Variants in TASOR2 observed in about 807,000 individuals in gnomAD.
The protein encoded by TASOR2 is protein TASOR 2.
A neutral mutation model predicts 199.5 loss-of-function variants in TASOR2; 84 were observed. That is an observed-to-expected ratio of 0.42 (90% CI 0.35 to 0.50). The LOEUF (loss-of-function observed/expected upper bound fraction) is 0.50. Among genes scored for constraint, TASOR2 ranks in the 20% least tolerant of loss-of-function variants. The probability of loss-of-function intolerance (pLI) is 0.02; values close to 1 mark genes in which losing one functional copy is unlikely to be tolerated. For missense variants in TASOR2, 2,796 were observed against 2,835.9 expected, an observed-to-expected ratio of 0.99 and a Z score of 0.32; for synonymous variants, 1,103 against 1,046.6, an observed-to-expected ratio of 1.05 and a Z score of -1.04.
At chr10:5,749,059 T>A in exon 15 of TASOR2, 2 of 1,614,110 alleles carry the variant, frequency 1.2e-6, no homozygotes, top group Non-Finnish European at 1.7e-6. Context: ...CCAAGAGGAC[T>A]GGGGCTGCTC....
At chr10:5,755,055 A>C (rs1048756449) in intron 15 of TASOR2, among the ~76,000 whole-genome samples, 10 of 150,204 alleles carry the variant, frequency 6.7e-5, no homozygotes, top group African/African-American at 2.2e-4. Flanking sequence ...TCAAAAAAAA[A>C]AAAAAAAAAA....
Position 5,730,341 on chromosome 10 carries a change from C to CTATTAATT in TASOR2, c.488-145_488-138dup, listed in dbSNP as rs1478565159. 1.7e-6 allele frequency: 1 copy of CTATTAATT among 595,810 alleles called. No individual in the cohort carries two copies. The highest frequency in any genetic ancestry group is 1.9e-5 in the African/African-American group (1 of 53,880). 36.9% of individuals were successfully genotyped at this position (595,810 alleles called of 1,614,324 possible). A position where few individuals can be genotyped will look rare whatever the true frequency, so the allele number is the denominator to read the frequency against. ...TTTGTTAAATGTACCTCTAAGTCTT[C>CTATTAATT]TATTAATTGCCATTTAGGTTGTCAT... On this transcript the variant is annotated intron_variant, in intron 10 of 20. Coordinates refer to ENST00000328090, the Ensembl canonical transcript of TASOR2. This position sits in a 1 kb window ranked among gnomAD's most constrained non-coding sequence, Gnocchi z 4.1.
At chr10:5,759,574 C>T (rs547990982) in intron 18 of TASOR2, among the ~76,000 whole-genome samples, 1 of 152,336 alleles carries the variant, frequency 6.6e-6, no homozygotes, top group Admixed American at 6.5e-5. Flanking sequence ...ATTTCAGGCA[C>T]TGTTAGGTGC....
At chr10:5,714,175 G>C in intron 2 of TASOR2, 1 of 1,231,894 alleles carries the variant, frequency 8.1e-7, no homozygotes, top group East Asian at 3.2e-5. Context: ...GTTGGCAGCA[G>C]TGCTGTTACC....
chr10:5,707,352 A>G (rs898283677), intron 1 of TASOR2, among the ~76,000 whole-genome samples: 1 of 152,170 alleles, frequency 6.6e-6, no homozygotes, highest in African/African-American at 2.4e-5. Context: ...CCCAAAGATG[A>G]GGCAGCCCCC....
At position 5,722,317 on chromosome 10, in the gene TASOR2, G is replaced by A. The variant is rs112390007; in HGVS notation, c.146+1347G>A. 0.017 allele frequency among the ~76,000 whole-genome samples: 2,552 copies of A among 152,218 alleles called. 78 individuals are homozygous for A. The highest frequency in any genetic ancestry group is 0.059 in the African/African-American group (2,444 of 41,516). ...TAAAAATACAAAAAATTAGCCGGGC[G>A]TGGTGGCACGTGCCTGTGATCCTAG... On this transcript the variant is annotated intron_variant, in intron 6 of 20. Coordinates refer to ENST00000328090, the Ensembl canonical transcript of TASOR2. This position sits in a 1 kb window ranked among gnomAD's most constrained non-coding sequence, Gnocchi z 4.0.
chr10:5,710,254 T>G lies in TASOR2; in HGVS notation c.-287-2569T>G, dbSNP rs1333829811. On this transcript the variant is annotated intron_variant, in intron 1 of 20. Coordinates refer to ENST00000328090, the Ensembl canonical transcript of TASOR2. This position sits in a 1 kb window ranked among gnomAD's most constrained non-coding sequence, Gnocchi z 4.6. ...CTTGAGAGTGTAATTGATGTCATTA[T>G]GAACCCATGAAAGATTTAAGATTAG... Among the ~76,000 whole-genome samples the G allele has an allele frequency of 1.3e-5, 2 of 152,152 alleles. No homozygotes were observed. Among genetic ancestry groups the G allele is most frequent in the Admixed American group, 1.3e-4 (2 of 15,282 alleles).
exon 15 of TASOR2, chr10:5,747,387 A>G (rs769036474): frequency 5.6e-6 from 9 of 1,614,060 alleles, no homozygotes; most frequent in Non-Finnish European, 7.6e-6. Context: ...TAGCTGAGGA[A>G]ATAGGTGAAC....
At chr10:5,757,841 C>G (rs1039305908) in intron 17 of TASOR2, among the ~76,000 whole-genome samples, 168 bp downstream of exon 18, 2 of 152,134 alleles carry the variant, frequency 1.3e-5, no homozygotes, top group Non-Finnish European at 2.9e-5. Context: ...TACAGTGATT[C>G]TCTTATAGCA....
chr10:5,747,367 C>G, exon 15 of TASOR2: 2 of 1,614,074 alleles, frequency 1.2e-6, no homozygotes, highest in Non-Finnish European at 1.7e-6. Flanking sequence ...AAATTTAGAA[C>G]TTCAGGATGT....
At chr10:5,691,669 C>T (rs566078484) in intron 1 of TASOR2, among the ~76,000 whole-genome samples, 1 of 152,154 alleles carries the variant, frequency 6.6e-6, no homozygotes, top group South Asian at 2.1e-4. Context: ...AGGCTTTCTT[C>T]TGGGCAATGC....
chr10:5,717,026 T>C (rs1329121227), intron 2 of TASOR2, among the ~76,000 whole-genome samples: 2 of 42,570 alleles, frequency 4.7e-5, no homozygotes, highest in Non-Finnish European at 9.3e-5. Flanking sequence ...AGCTTACATC[T>C]CAAAAAAAAA....
rs1193168924 is a variant in TASOR2 at position 5,710,353 on chromosome 10, G to A, written c.-287-2470G>A. Among the ~76,000 whole-genome samples the A allele has an allele frequency of 6.6e-6, 1 of 151,856 alleles. No homozygotes were observed. The highest frequency in any genetic ancestry group is 1.5e-5 in the Non-Finnish European group (1 of 67,942). On this transcript the variant is annotated intron_variant, in intron 1 of 20. Coordinates refer to ENST00000328090, the Ensembl canonical transcript of TASOR2. The surrounding 1 kb of genome is among the most constrained non-coding windows in gnomAD (Gnocchi z 4.6). ...AAATCACTGCTTTTATGCATATACT[G>A]CTATATATTGAAGAATACTGGCCTA...
intron 1 of TASOR2, among the ~76,000 whole-genome samples, chr10:5,696,107 AAGTC>A (rs574523184): frequency 2.6e-5 from 4 of 152,272 alleles, no homozygotes; most frequent in African/African-American, 9.6e-5. Context: ...GATTGAGTGA[AAGTC>A]AGGTCAACAT....
rs1402327702 is a variant in TASOR2, at chr10:5,687,161, A to G, written c.-288+1986A>G. 1.3e-5 allele frequency among the ~76,000 whole-genome samples: 2 copies of G among 152,220 alleles called. No individual in the cohort carries two copies. Among genetic ancestry groups the G allele is most frequent in the African/African-American group, 4.8e-5 (2 of 41,458 alleles). On this transcript the variant is annotated intron_variant, in intron 1 of 20. Transcript: ENST00000328090. This position sits in a 1 kb window ranked among gnomAD's most constrained non-coding sequence, Gnocchi z 4.8. ...TAATAAATATGCTTTTTGTCAGTAC[A>G]TGTTAATGGTATATTTCATAACAAA...
chr10:5,727,928 TAAATG>T (rs371871034), intron 10 of TASOR2, among the ~76,000 whole-genome samples: 8 of 152,246 alleles, frequency 5.3e-5, no homozygotes, highest in African/African-American at 1.7e-4. Flanking sequence ...AACAAATAAA[TAAATG>T]AGAGTTGACC....
chr10:5,721,878 C>T (rs1039310773), intron 6 of TASOR2, among the ~76,000 whole-genome samples: 3 of 152,156 alleles, frequency 2.0e-5, no homozygotes, highest in African/African-American at 7.2e-5. Flanking sequence ...TAATGATAGA[C>T]CTATCCTGAT....
At position 5,761,270 on chromosome 10, in the gene TASOR2, T is replaced by A; in HGVS notation, c.6993-20T>A. Reference sequence around the variant, plus strand: ...AATAAAACTGAAAAATATTTTAATATGCCTATGTATCTTTCACAGAGTGGA... The same window carrying A: ...AATAAAACTGAAAAATATTTTAATAAGCCTATGTATCTTTCACAGAGTGGA... On this transcript the variant is annotated intron_variant, in intron 18 of 20. Transcript: ENST00000328090. 1 of 1,577,036 alleles carries A rather than the reference T, an allele frequency of 6.3e-7. No homozygotes were observed. Among genetic ancestry groups the A allele is most frequent in the Admixed American group, 1.8e-5 (1 of 54,612 alleles).
At chr10:5,718,700 A>G (rs1447403317) in intron 3 of TASOR2, among the ~76,000 whole-genome samples, 3 of 151,554 alleles carry the variant, frequency 2.0e-5, no homozygotes, top group Admixed American at 1.3e-4. Flanking sequence ...CGGAGGTTGC[A>G]GTGAGCCAAG....
Sources: gnomAD v4.1 joint callset for allele counts (sites outside exome capture counted in the v4.1 genomes callset) on GRCh38, gnomAD v4.1.1 for gene constraint, Gnocchi (gnomAD v3.1) non-coding constraint, MANE v1.5 for transcripts, NCBI Gene and HGNC (gene_info 2026-07-23, HGNC 2026-07-21) for gene names.